IFNG-AS1: variants seen among roughly 807,000 people sequenced by gnomAD.
IFNG-AS1 encodes IFNG antisense RNA 1 (non-protein coding).
intron 2 of IFNG-AS1, among the ~76,000 whole-genome samples, chr12:68,002,243 C>T (rs573326291): frequency 6.6e-6 from 1 of 152,320 alleles, no homozygotes; most frequent in African/African-American, 2.4e-5. Context: ...GGCAAATGCA[C>T]ATGGTAGGTC....
chr12:68,015,858 A>G (rs73324885), intron 3 of IFNG-AS1, among the ~76,000 whole-genome samples: 10,110 of 152,196 alleles, frequency 0.066, 472 homozygotes, highest in African/African-American at 0.13. Context: ...GTGGAGGTTA[A>G]GAGGGTTGCC....
At chr12:68,006,504 T>C (rs2120451547) in intron 3 of IFNG-AS1, among the ~76,000 whole-genome samples, 1 of 152,278 alleles carries the variant, frequency 6.6e-6, no homozygotes, top group African/African-American at 2.4e-5. Flanking sequence ...ATTGCGCTAT[T>C]GTCTGGGAAG....
intron 2 of IFNG-AS1, among the ~76,000 whole-genome samples, chr12:67,996,524 C>T (rs899011913): frequency 6.6e-6 from 1 of 152,162 alleles, no homozygotes; most frequent in Non-Finnish European, 1.5e-5. Flanking sequence ...CCTCTTAAAT[C>T]TATGTAGCTG....
intron 2 of IFNG-AS1, among the ~76,000 whole-genome samples, chr12:68,000,668 T>C (rs1289478085): frequency 6.6e-6 from 1 of 151,924 alleles, no homozygotes; most frequent in Non-Finnish European, 1.5e-5. Flanking sequence ...CAAGGCCTTG[T>C]CTCTTAAAAA....
intron 3 of IFNG-AS1, among the ~76,000 whole-genome samples, chr12:68,013,916 T>TTGTA (rs909982684): frequency 3.3e-4 from 50 of 152,242 alleles, no homozygotes; most frequent in African/African-American, 1.2e-3. Flanking sequence ...TGCACCCTAT[T>TTGTA]TGTAGTCTTT....
intron 4 of IFNG-AS1, chr12:68,020,801 C>A (rs1186692100): frequency 6.6e-6 from 1 of 152,088 alleles, no homozygotes; most frequent in East Asian, 1.9e-4. Flanking sequence ...AAAACAGCAA[C>A]CCAGTATGAG....
chr12:68,020,930 C>T (rs10878725), intron 4 of IFNG-AS1: 67,627 of 152,000 alleles, frequency 0.44, 17,139 homozygotes, highest in Non-Finnish European at 0.56. Flanking sequence ...TATACCACTT[C>T]CCCATATACA....
intron 1 of IFNG-AS1, among the ~76,000 whole-genome samples, chr12:67,992,711 C>A (rs1260940177): frequency 6.6e-6 from 1 of 152,224 alleles, no homozygotes; most frequent in Non-Finnish European, 1.5e-5. Flanking sequence ...TAGGACTAAT[C>A]TAATTCCTTT....
At chr12:68,018,938 A>G (rs1018405019) in intron 3 of IFNG-AS1, among the ~76,000 whole-genome samples, 4 of 152,062 alleles carry the variant, frequency 2.6e-5, no homozygotes, top group Non-Finnish European at 5.9e-5. Flanking sequence ...GGTTTTTACC[A>G]CGCCTTTGAG....
At chr12:68,007,036 T>G (rs1879921901) in intron 3 of IFNG-AS1, among the ~76,000 whole-genome samples, 1 of 152,196 alleles carries the variant, frequency 6.6e-6, no homozygotes, top group Non-Finnish European at 1.5e-5. Flanking sequence ...TAAAATCACA[T>G]GGAAGAGTGC....
At chr12:68,005,345 C>CTTAG (rs1344199980) in intron 2 of IFNG-AS1, among the ~76,000 whole-genome samples, 1 of 152,188 alleles carries the variant, frequency 6.6e-6, no homozygotes, top group Non-Finnish European at 1.5e-5. Context: ...TGTCTGCTGA[C>CTTAG]TTAGCCACGA....
At chr12:68,005,098 C>A (rs1433052984) in intron 2 of IFNG-AS1, among the ~76,000 whole-genome samples, 1 of 152,176 alleles carries the variant, frequency 6.6e-6, no homozygotes, top group Admixed American at 6.5e-5. Context: ...CAAGATGTAT[C>A]TGGAGAAATT....
intron 3 of IFNG-AS1, chr12:68,019,807 G>GC (rs2120488656): frequency 6.6e-6 from 1 of 152,324 alleles, no homozygotes; most frequent in East Asian, 1.9e-4. Context: ...GGCAGTCATA[G>GC]TCTGTGATGC....
At chr12:68,000,051 G>A (rs1879732468) in intron 2 of IFNG-AS1, among the ~76,000 whole-genome samples, 1 of 152,114 alleles carries the variant, frequency 6.6e-6, no homozygotes, top group Non-Finnish European at 1.5e-5. Context: ...TATAAAATAG[G>A]CATTAATGTG....
At chr12:68,002,644 A>G (rs1161638416) in intron 2 of IFNG-AS1, among the ~76,000 whole-genome samples, 7 of 152,208 alleles carry the variant, frequency 4.6e-5, no homozygotes, top group Admixed American at 2.0e-4. Flanking sequence ...CAACTGGTCT[A>G]TCTCTATTCT....
chr12:67,990,233 G>A (rs527656354), intron 1 of IFNG-AS1, among the ~76,000 whole-genome samples: 8 of 152,162 alleles, frequency 5.3e-5, no homozygotes, highest in South Asian at 4.2e-4. Context: ...GTTAAATCAC[G>A]TAAATAATTT....
intron 1 of IFNG-AS1, among the ~76,000 whole-genome samples, chr12:67,991,741 T>C (rs1405117375): frequency 6.6e-6 from 1 of 152,160 alleles, no homozygotes; most frequent in East Asian, 1.9e-4. Context: ...ACATGACTCC[T>C]CTCTTTTAAA....
intron 1 of IFNG-AS1, among the ~76,000 whole-genome samples, chr12:67,993,209 A>G (rs1484911226): frequency 6.6e-6 from 1 of 152,194 alleles, no homozygotes; most frequent in Non-Finnish European, 1.5e-5. Context: ...GGCAGATGAA[A>G]GTTCCTCTGT....
intron 1 of IFNG-AS1, among the ~76,000 whole-genome samples, chr12:67,993,280 C>T (rs1164856779): frequency 2.0e-5 from 3 of 152,142 alleles, no homozygotes; most frequent in South Asian, 4.1e-4. Flanking sequence ...TTCTTTCACT[C>T]GGACAGGATT....
Sources: allele counts gnomAD v4.1 joint callset (sites outside exome capture counted in the v4.1 genomes callset), GRCh38; gene constraint gnomAD v4.1.1; transcripts MANE v1.5; gene names NCBI Gene and HGNC (gene_info 2026-07-23, HGNC 2026-07-21).